The following ZDHHC14 variants were observed in gnomAD, a reference collection of about 807,000 sequenced individuals.
The protein encoded by ZDHHC14 is palmitoyltransferase ZDHHC14.
Under a neutral mutation model 47.7 loss-of-function variants are expected in ZDHHC14, and 16 were observed. The ratio of observed to expected loss-of-function variants is 0.34; its 90% CI spans 0.23 to 0.51. The LOEUF is 0.51. Ranked by LOEUF, ZDHHC14 falls within the 20% of genes least tolerant of loss-of-function variation. The pLI, the probability that ZDHHC14 is intolerant of heterozygous loss-of-function variation, is 0.97. For missense variants in ZDHHC14, 515 were observed against 662.5 expected (o/e 0.78, Z 2.44); for synonymous variants, 293 against 278.9 (o/e 1.05, Z -0.50).
chr6:157,401,489 G>A (rs541357799), intron 1 of ZDHHC14, among the ~76,000 whole-genome samples: 1 of 152,330 alleles, frequency 6.6e-6, no homozygotes, highest in African/African-American at 2.4e-5. Context: ...CACCTGCTGA[G>A]GTCACCCTGC....
intron 2 of ZDHHC14, among the ~76,000 whole-genome samples, chr6:157,557,688 T>C (rs1226526902): frequency 6.6e-6 from 1 of 152,250 alleles, no homozygotes; most frequent in East Asian, 1.9e-4. Context: ...GGTCCATTGC[T>C]ATCTGCAGAC....
chr6:157,515,463 T>C (rs541422444), intron 1 of ZDHHC14, among the ~76,000 whole-genome samples: 24,438 of 143,674 alleles, frequency 0.17, 2,101 homozygotes, highest in African/African-American at 0.22. Context: ...TTTTCTTTTT[T>C]TTTTTTTTTT....
chr6:157,461,197 T>A (rs888282634), intron 1 of ZDHHC14, among the ~76,000 whole-genome samples: 2 of 152,140 alleles, frequency 1.3e-5, no homozygotes, highest in African/African-American at 4.8e-5. Flanking sequence ...CTCATTGAGT[T>A]TGACTAAACT....
chr6:157,469,487 G>T (rs1779304979), intron 1 of ZDHHC14, among the ~76,000 whole-genome samples: 1 of 152,198 alleles, frequency 6.6e-6, no homozygotes, highest in Non-Finnish European at 1.5e-5. Flanking sequence ...CGTCAGGCAG[G>T]ATGGGCCAGA....
intron 1 of ZDHHC14, among the ~76,000 whole-genome samples, chr6:157,442,408 C>A (rs1406440211): frequency 6.6e-6 from 1 of 152,172 alleles, no homozygotes; most frequent in African/African-American, 2.4e-5. Context: ...AACAAAACAA[C>A]TTCCATACGC....
At chr6:157,587,649 C>T (rs1313845528) in intron 2 of ZDHHC14, among the ~76,000 whole-genome samples, 5 of 152,176 alleles carry the variant, frequency 3.3e-5, no homozygotes, top group Non-Finnish European at 1.5e-5. Flanking sequence ...GCCATTGCCC[C>T]GCCCTGCCCT....
chr6:157,492,610 T>G (rs1315578126), intron 1 of ZDHHC14, among the ~76,000 whole-genome samples: 1 of 152,212 alleles, frequency 6.6e-6, no homozygotes, highest in African/African-American at 2.4e-5. Flanking sequence ...CTGAGTGTCT[T>G]GTGCGGAAGG....
chr6:157,394,368 G>T (rs1030456299), intron 1 of ZDHHC14, among the ~76,000 whole-genome samples: 1 of 152,230 alleles, frequency 6.6e-6, no homozygotes, highest in Non-Finnish European at 1.5e-5. Flanking sequence ...TGTCAGAAAT[G>T]ATGCTGTGTG....
chr6:157,644,430 C>G (rs1439849666), intron 5 of ZDHHC14, among the ~76,000 whole-genome samples: 1 of 152,214 alleles, frequency 6.6e-6, no homozygotes, highest in South Asian at 2.1e-4. Flanking sequence ...GTCTGCCTTC[C>G]TGTGTCTCTC....
chr6:157,410,663 T>C (rs1255353248), intron 1 of ZDHHC14, among the ~76,000 whole-genome samples: 1 of 152,206 alleles, frequency 6.6e-6, no homozygotes, highest in East Asian at 1.9e-4. Context: ...TAAGCTTACC[T>C]GCCTTAGCAA....
chr6:157,450,032 G>A (rs151055546), intron 1 of ZDHHC14, among the ~76,000 whole-genome samples: 3,525 of 152,112 alleles, frequency 0.023, 66 homozygotes, highest in Admixed American at 0.033. Flanking sequence ...TACACATAAC[G>A]CACTTAGCAG....
At chr6:157,419,775 G>A in intron 1 of ZDHHC14, among the ~76,000 whole-genome samples, 1 of 152,162 alleles carries the variant, frequency 6.6e-6, no homozygotes. Context: ...AACATTCCTG[G>A]GTAGGTTTGT....
Position 157,673,844 on chromosome 6 carries a change from G to T in ZDHHC14, c.*722G>T, listed in dbSNP as rs890309430. The T allele has an allele frequency of 6.6e-6, 1 of 152,582 alleles. No individual in the cohort carries two copies. Among genetic ancestry groups the T allele is most frequent in the African/African-American group, 2.4e-5 (1 of 41,414 alleles). 9.5% of individuals were successfully genotyped at this position (152,582 alleles called of 1,614,324 possible). A position where few individuals can be genotyped will look rare whatever the true frequency, so the allele number is the denominator to read the frequency against. ...CTGTTTGGCCGCTCGATGAGGTCTC[G>T]TGTTGAGATATTGTGTGCCACAACC... On this transcript the variant is annotated 3_prime_UTR_variant, in exon 9 of 9. Coordinates refer to ENST00000359775, the MANE Select transcript of ZDHHC14 (RefSeq NM_024630.3). This position sits in a 1 kb window ranked among gnomAD's most constrained non-coding sequence, Gnocchi z 5.4.
rs140404313 is a variant in ZDHHC14, at chr6:157,535,629, G to T, written c.246-6956G>T. 9.0e-3 allele frequency among the ~76,000 whole-genome samples: 1,364 copies of T among 152,234 alleles called. 13 individuals are homozygous for T. The highest frequency in any genetic ancestry group is 0.029 in the African/African-American group (1,204 of 41,530). The stretch of plus-strand genomic sequence containing the variant: ...AAATTCCCTCCCTTCATACAGGCAT[G>T]CATAGACTCCTGGCTCTGTGCGTCT... On this transcript the variant is annotated intron_variant, in intron 1 of 8. Coordinates refer to ENST00000359775, the MANE Select transcript of ZDHHC14 (RefSeq NM_024630.3).
chr6:157,594,508 C>T (rs572965277), intron 3 of ZDHHC14, among the ~76,000 whole-genome samples: 7 of 152,228 alleles, frequency 4.6e-5, no homozygotes, highest in East Asian at 1.9e-4. Flanking sequence ...AACTGCCTGC[C>T]GCATGGGATA....
At chr6:157,616,605 G>C (rs548784001) in intron 3 of ZDHHC14, among the ~76,000 whole-genome samples, 5 of 152,296 alleles carry the variant, frequency 3.3e-5, no homozygotes, top group African/African-American at 1.2e-4. Context: ...TCCCTGACCT[G>C]AGTGTGTACC....
intron 1 of ZDHHC14, among the ~76,000 whole-genome samples, chr6:157,470,339 C>T (rs1779324872): frequency 6.6e-6 from 1 of 152,164 alleles, no homozygotes; most frequent in South Asian, 2.1e-4. Flanking sequence ...TCCACTCACC[C>T]CAGCCTCCCA....
rs1193026279 is a variant in ZDHHC14, at chr6:157,421,390, G to C, written c.245+39124G>C. ...GCCTGTAGTCCCAGCTATTCGGAGG[G>C]GCTGAGGCAGGACAATGGCATGAAC... On this transcript the variant is annotated intron_variant, in intron 1 of 8. Coordinates refer to ENST00000359775, the MANE Select transcript of ZDHHC14 (RefSeq NM_024630.3). 3.3e-5 allele frequency among the ~76,000 whole-genome samples: 5 copies of C among 151,156 alleles called. No homozygotes were observed. The East Asian group carries it at 1.0e-3, about 30-fold the overall frequency.
At chr6:157,390,894 G>A (rs760906729) in intron 1 of ZDHHC14, among the ~76,000 whole-genome samples, 44 of 151,948 alleles carry the variant, frequency 2.9e-4, no homozygotes, top group Non-Finnish European at 5.4e-4. Context: ...TTGATTATGG[G>A]TTATATTTTC....
Sources: gnomAD v4.1 joint callset for allele counts (sites outside exome capture counted in the v4.1 genomes callset) on GRCh38, gnomAD v4.1.1 for gene constraint, Gnocchi (gnomAD v3.1) non-coding constraint, MANE v1.5 for transcripts, NCBI Gene and HGNC (gene_info 2026-07-23, HGNC 2026-07-21) for gene names.